RNF220: variants seen among roughly 807,000 people sequenced by gnomAD.
RNF220 encodes ring finger protein 220.
Under a neutral mutation model 67.1 loss-of-function variants are expected in RNF220, and 7 were observed. The observed-to-expected ratio is 0.10, with a 90% CI of 0.06 to 0.20. The LOEUF (loss-of-function observed/expected upper bound fraction) is 0.20. Ranked by LOEUF, RNF220 falls within the 10% of genes least tolerant of loss-of-function variation. RNF220 has a pLI of 1.00. For synonymous variants in RNF220, 270 were observed against 283.2 expected (o/e 0.95, Z 0.47); for missense variants, 565 against 740.3 (o/e 0.76, Z 2.75).
At position 44,621,482 on chromosome 1, in the gene RNF220, A is replaced by G. The variant is rs189167652; in HGVS notation, c.759-1260A>G. On this transcript the variant is annotated intron_variant, in intron 3 of 14. Coordinates refer to ENST00000361799, the MANE Select transcript of RNF220 (RefSeq NM_018150.4). This position sits in a 1 kb window ranked among gnomAD's most constrained non-coding sequence, Gnocchi z 4.8. ...TAACATCCTCTACCTACTCCATGCC[A>G]GTAGCAACCTCCCCTCCCTCCGCTC... 2.6e-5 allele frequency among the ~76,000 whole-genome samples: 4 copies of G among 152,136 alleles called. No homozygotes were observed. Among genetic ancestry groups the G allele is most frequent in the Admixed American group, 1.3e-4 (2 of 15,276 alleles).
chr1:44,414,573 T>C (rs772278127), intron 2 of RNF220, among the ~76,000 whole-genome samples: 5 of 152,128 alleles, frequency 3.3e-5, no homozygotes, highest in Non-Finnish European at 5.9e-5. Context: ...AAGCCATAAC[T>C]CTTCTGTTTG....
chr1:44,530,433 G>A (rs79654690), intron 2 of RNF220, among the ~76,000 whole-genome samples: 4,623 of 151,338 alleles, frequency 0.031, 229 homozygotes, highest in African/African-American at 0.11. Context: ...AGGACATCTC[G>A]TCATTTACTG....
At chr1:44,516,663 G>A (rs1205932594) in intron 2 of RNF220, among the ~76,000 whole-genome samples, 1 of 151,424 alleles carries the variant, frequency 6.6e-6, no homozygotes, top group African/African-American at 2.4e-5. Context: ...GGAAGAGAAG[G>A]GAAAGGAAAC....
At chr1:44,473,596 A>G (rs145952807) in intron 2 of RNF220, among the ~76,000 whole-genome samples, 44 of 152,232 alleles carry the variant, frequency 2.9e-4, no homozygotes, top group African/African-American at 1.0e-3. Context: ...TGGGGAGTCT[A>G]TGTGTTCCTC....
At chr1:44,447,690 C>G (rs1652244797) in intron 2 of RNF220, among the ~76,000 whole-genome samples, 3 of 152,176 alleles carry the variant, frequency 2.0e-5, no homozygotes, top group South Asian at 4.1e-4. Flanking sequence ...TCATTTAACC[C>G]TCACCATAAG....
intron 2 of RNF220, among the ~76,000 whole-genome samples, chr1:44,518,104 A>AAAAAT (rs1257907321): frequency 1.3e-5 from 2 of 151,964 alleles, no homozygotes; most frequent in Admixed American, 6.6e-5. Flanking sequence ...GACTCCGTCT[A>AAAAAT]AAAATAAAAT....
intron 2 of RNF220, among the ~76,000 whole-genome samples, chr1:44,554,213 G>T (rs1167138472): frequency 6.6e-6 from 1 of 152,072 alleles, no homozygotes; most frequent in Non-Finnish European, 1.5e-5. Context: ...GAGATGAGGA[G>T]GGCTGGGTCT....
intron 2 of RNF220, among the ~76,000 whole-genome samples, chr1:44,526,499 GACTCAGTACTACTCAGCACTTTTGTCCTA>G (rs1660386831): frequency 6.6e-6 from 1 of 152,114 alleles, no homozygotes; most frequent in Admixed American, 6.5e-5. Flanking sequence ...CTTGTGTCCT[GACTCAGTACTACTCAGCACTTTTGTCCTA>G]ACTCAGTACT....
intron 2 of RNF220, among the ~76,000 whole-genome samples, chr1:44,581,340 C>T (rs1245566349): frequency 1.3e-5 from 2 of 152,234 alleles, no homozygotes; most frequent in African/African-American, 4.8e-5. Flanking sequence ...CAGGACAGGT[C>T]CCAGCTGCTT....
intron 2 of RNF220, among the ~76,000 whole-genome samples, chr1:44,523,254 C>T (rs774899151): frequency 1.3e-5 from 2 of 152,162 alleles, no homozygotes; most frequent in African/African-American, 4.8e-5. Flanking sequence ...TTTAATGGCT[C>T]GTGGTGCCGC....
At chr1:44,414,090 A>C (rs1648283675) in intron 2 of RNF220, among the ~76,000 whole-genome samples, 1 of 152,264 alleles carries the variant, frequency 6.6e-6, no homozygotes, top group African/African-American at 2.4e-5. Flanking sequence ...GCTGGCTGAC[A>C]GCACTACTGC....
At position 44,420,303 on chromosome 1, in the gene RNF220, G is replaced by C. The variant is rs1433438743; in HGVS notation, c.625+7581G>C. 5.7e-4 allele frequency among the ~76,000 whole-genome samples: 87 copies of C among 152,354 alleles called. 1 individual carries two copies. The highest frequency in any genetic ancestry group is 2.1e-3 in the African/African-American group (87 of 41,590). On this transcript the variant is annotated intron_variant, in intron 2 of 14. Coordinates refer to ENST00000361799, the MANE Select transcript of RNF220 (RefSeq NM_018150.4). ...TCTTATGAGAAATCCAGCCCAGTAAGTTTGAGTGTGACTTACCAGGCAAGA... is the reference window on the plus strand; with the variant it reads ...TCTTATGAGAAATCCAGCCCAGTAACTTTGAGTGTGACTTACCAGGCAAGA...
At chr1:44,557,532 T>A (rs1230790526) in intron 2 of RNF220, among the ~76,000 whole-genome samples, 2 of 151,898 alleles carry the variant, frequency 1.3e-5, no homozygotes, top group African/African-American at 4.8e-5. Context: ...TGAACTGAAA[T>A]ACCTTGAAAA....
At chr1:44,615,366 G>A (rs2148431960) in intron 3 of RNF220, among the ~76,000 whole-genome samples, 1 of 152,236 alleles carries the variant, frequency 6.6e-6, no homozygotes, top group South Asian at 2.1e-4. Context: ...CCCCCCTTTT[G>A]ATGGGAGGAC....
intron 2 of RNF220, among the ~76,000 whole-genome samples, chr1:44,553,312 T>C (rs1376345808): frequency 6.6e-6 from 1 of 152,164 alleles, no homozygotes; most frequent in African/African-American, 2.4e-5. Context: ...GTGGTATCCA[T>C]GGTGACTAGC....
At chr1:44,597,413 G>A (rs1328075129) in intron 2 of RNF220, among the ~76,000 whole-genome samples, 1 of 150,728 alleles carries the variant, frequency 6.6e-6, no homozygotes, top group Non-Finnish European at 1.5e-5. Flanking sequence ...GACAGAAAAC[G>A]TACATCCTTC....
Position 44,507,049 on chromosome 1 carries a change from G to A in RNF220, c.625+94327G>A, listed in dbSNP as rs142833375. Among the ~76,000 whole-genome samples, 29 of 152,228 alleles carry A rather than the reference G, an allele frequency of 1.9e-4. No homozygotes were observed. The East Asian group carries it at 3.5e-3, about 18-fold the overall frequency. ...GGTGGTACAATGACAAGGAGAAGAA[G>A]GAGGCAGAGATCCTCCAGCCCCATA... On this transcript the variant is annotated intron_variant, in intron 2 of 14. Transcript: ENST00000361799.
intron 2 of RNF220, among the ~76,000 whole-genome samples, chr1:44,469,076 G>A (rs1391964984): frequency 6.6e-6 from 1 of 152,082 alleles, no homozygotes; most frequent in African/African-American, 2.4e-5. Context: ...GAGGGTAAAG[G>A]ATATGAGAAC....
At chr1:44,557,695 T>G (rs1663226054) in intron 2 of RNF220, among the ~76,000 whole-genome samples, 1 of 152,234 alleles carries the variant, frequency 6.6e-6, no homozygotes, top group East Asian at 1.9e-4. Context: ...AGAATGAATT[T>G]CTTAAGTTCA....
Sources: allele counts gnomAD v4.1 joint callset (sites outside exome capture counted in the v4.1 genomes callset), GRCh38; gene constraint gnomAD v4.1.1; non-coding constraint Gnocchi (gnomAD v3.1); transcripts MANE v1.5; gene names NCBI Gene and HGNC (gene_info 2026-07-23, HGNC 2026-07-21).